The following FGGY variants were observed in gnomAD, a reference collection of about 807,000 sequenced individuals.
FGGY encodes the protein FGGY carbohydrate kinase domain-containing protein.
A neutral mutation model predicts 71.3 loss-of-function variants in FGGY; 72 were observed. The observed-to-expected ratio is 1.01, with a 90% CI of 0.84 to 1.23. FGGY has a LOEUF of 1.23. Ranked by LOEUF, FGGY falls within the 50% of genes most tolerant of loss-of-function variation. FGGY has a pLI of 0.00. For synonymous variants in FGGY, 251 were observed against 250.3 expected (o/e 1.00, Z -0.02); for missense variants, 668 against 682.3 (o/e 0.98, Z 0.23).
intron 5 of FGGY, among the ~76,000 whole-genome samples, chr1:59,431,273 C>T (rs112736076): frequency 3.3e-5 from 5 of 152,308 alleles, no homozygotes; most frequent in African/African-American, 1.2e-4. Flanking sequence ...TGGCAGGAAA[C>T]AAGTCCTAAC....
At chr1:59,759,914 G>A (rs1294379296) in intron 15 of FGGY, among the ~76,000 whole-genome samples, 1 of 152,182 alleles carries the variant, frequency 6.6e-6, no homozygotes, top group Non-Finnish European at 1.5e-5. Flanking sequence ...ATTATGTTCA[G>A]TCCAAATTTA....
chr1:59,380,355 C>T (rs1198738872), intron 5 of FGGY, among the ~76,000 whole-genome samples: 2 of 151,394 alleles, frequency 1.3e-5, no homozygotes, highest in Non-Finnish European at 2.9e-5. Context: ...GTTCTAGATC[C>T]CTGAGGAATC....
At chr1:59,546,535 G>GATTATTATT (rs747576612) in intron 7 of FGGY, among the ~76,000 whole-genome samples, 16 of 129,346 alleles carry the variant, frequency 1.2e-4, no homozygotes, top group African/African-American at 5.0e-4. Flanking sequence ...TGATGATGAT[G>GATTATTATT]ATTATTATTA....
intron 5 of FGGY, among the ~76,000 whole-genome samples, chr1:59,379,907 G>C (rs548099637): frequency 5.9e-5 from 9 of 151,696 alleles, no homozygotes; most frequent in African/African-American, 2.2e-4. Flanking sequence ...CCATTAACTC[G>C]TCATTTACAT....
At chr1:59,481,488 T>C (rs1239392629) in intron 6 of FGGY, among the ~76,000 whole-genome samples, 5 of 152,120 alleles carry the variant, frequency 3.3e-5, no homozygotes, top group Admixed American at 2.0e-4. Flanking sequence ...GCAAATACTC[T>C]TCTCATCAGA....
intron 14 of FGGY, among the ~76,000 whole-genome samples, chr1:59,704,569 T>A (rs943633020): frequency 6.6e-6 from 1 of 152,108 alleles, no homozygotes; most frequent in Non-Finnish European, 1.5e-5. Context: ...AAGAGATAAC[T>A]TTTTTTATCT....
intron 5 of FGGY, among the ~76,000 whole-genome samples, chr1:59,435,013 A>G (rs1557912290): frequency 6.6e-6 from 1 of 152,226 alleles, no homozygotes; most frequent in Non-Finnish European, 1.5e-5. Flanking sequence ...ACTGGGACAG[A>G]TGCGGGGCAG....
intron 14 of FGGY, among the ~76,000 whole-genome samples, chr1:59,703,391 A>G (rs527815839): frequency 3.3e-4 from 50 of 152,290 alleles, no homozygotes; most frequent in Middle Eastern, 6.8e-3. Context: ...TTCATCTTCC[A>G]GGAAAGTGCA....
chr1:59,516,426 A>G (rs559772754), intron 7 of FGGY, among the ~76,000 whole-genome samples: 2 of 152,336 alleles, frequency 1.3e-5, no homozygotes, highest in African/African-American at 4.8e-5. Flanking sequence ...GCATGTTTGT[A>G]GCTTAATAGT....
intron 7 of FGGY, among the ~76,000 whole-genome samples, chr1:59,535,098 A>G (rs1282349595): frequency 1.3e-5 from 2 of 152,242 alleles, no homozygotes; most frequent in African/African-American, 4.8e-5. Flanking sequence ...TCTCACCTGC[A>G]GAGACACACA....
At chr1:59,448,673 A>G (rs2071904345) in intron 5 of FGGY, among the ~76,000 whole-genome samples, 1 of 152,142 alleles carries the variant, frequency 6.6e-6, no homozygotes, top group Non-Finnish European at 1.5e-5. Context: ...TGCTCTCAAA[A>G]TTTGCCAGAG....
chr1:59,345,782 C>G (rs1425222109), intron 3 of FGGY, among the ~76,000 whole-genome samples: 1 of 151,414 alleles, frequency 6.6e-6, no homozygotes, highest in Non-Finnish European at 1.5e-5. Flanking sequence ...GGAATATAAG[C>G]AGTTAAATGC....
At chr1:59,574,125 G>A (rs1458588575) in intron 8 of FGGY, among the ~76,000 whole-genome samples, 1 of 152,140 alleles carries the variant, frequency 6.6e-6, no homozygotes, top group Admixed American at 6.5e-5. Context: ...TTTTCTTATG[G>A]TTCTCGAGAC....
At chr1:59,492,495 T>C (rs914059507) in intron 6 of FGGY, among the ~76,000 whole-genome samples, 2 of 152,164 alleles carry the variant, frequency 1.3e-5, no homozygotes, top group African/African-American at 4.8e-5. Flanking sequence ...AGAGCAAAAC[T>C]TTCAATCTTT....
chr1:59,722,781 C>G (rs2097908241), intron 14 of FGGY, among the ~76,000 whole-genome samples: 1 of 152,092 alleles, frequency 6.6e-6, no homozygotes, highest in South Asian at 2.1e-4. Flanking sequence ...TCCAAAGAGT[C>G]TGATTCTTTT....
chr1:59,512,425 A>G lies in FGGY; in HGVS notation c.785A>G (p.His262Arg), dbSNP rs781199987. 3.1e-6 allele frequency: 5 copies of G among 1,613,822 alleles called. No individual in the cohort carries two copies. Among genetic ancestry groups the G allele is most frequent in the Middle Eastern group, 3.3e-4 (2 of 6,058 alleles). ...GTCGCAGCTTCACTCATTGATGCCC[A>G]TGCAGGAGGACTAGGTAATCTCTTA... ...IAVAASLIDA[H>R]AGGLGVIGAD... The change falls in exon 7 of 16, where the codon CAT becomes CGT. Residue 262 changes from histidine to arginine, a missense_variant. His to Arg is a conservative substitution (Grantham distance 29). This residue lies in a region of FGGY where 661 missense variants were observed against 661.6 expected (regional missense o/e 1.00). Transcript: ENST00000303721.
At chr1:59,689,637 TGTGA>T (rs779716769) in intron 14 of FGGY, among the ~76,000 whole-genome samples, 42 of 152,236 alleles carry the variant, frequency 2.8e-4, no homozygotes, top group Non-Finnish European at 3.4e-4. Flanking sequence ...TAGTTCAGCC[TGTGA>T]GTAATAATAA....
At chr1:59,318,574 A>AT (rs2045860909) in intron 1 of FGGY, 1 of 152,204 alleles carries the variant, frequency 6.6e-6, no homozygotes, top group African/African-American at 2.4e-5. Context: ...GTATTTTATC[A>AT]TATTACTCTC....
intron 12 of FGGY, among the ~76,000 whole-genome samples, chr1:59,662,274 C>T (rs972941300): frequency 2.7e-5 from 4 of 148,950 alleles, no homozygotes; most frequent in African/African-American, 9.9e-5. Context: ...GAACTGAGAT[C>T]GCGCCACTGC....
Sources: gnomAD v4.1 joint callset for allele counts (sites outside exome capture counted in the v4.1 genomes callset) on GRCh38, gnomAD v4.1.1 for gene constraint, gnomAD v4.1.1 regional missense constraint, MANE v1.5 for transcripts, NCBI Gene and HGNC (gene_info 2026-07-23, HGNC 2026-07-21) for gene names.